Variants in ENKUR observed in about 807,000 individuals in gnomAD.
The protein encoded by ENKUR is enkurin.
ENKUR carries 19 observed loss-of-function variants against 27.6 expected under a neutral mutation model. That is an observed-to-expected ratio of 0.69 (90% CI 0.48 to 1.01). The LOEUF is 1.01. Among genes scored for constraint, ENKUR ranks in the 50% least tolerant of loss-of-function variants. The pLI is 0.00. For missense variants in ENKUR, 312 were observed against 310.5 expected (o/e 1.00, Z -0.04); for synonymous variants, 117 against 96.9 (o/e 1.21, Z -1.22).
chr10:25,048,860 A>ATT (rs34318277), intron 2 of ENKUR, among the ~76,000 whole-genome samples: 44 of 149,956 alleles, frequency 2.9e-4, no homozygotes, highest in Admixed American at 1.8e-3. Flanking sequence ...ATAAAACTTC[A>ATT]TTTTTTTTTT....
intron 1 of ENKUR, among the ~76,000 whole-genome samples, chr10:25,014,521 G>GA (rs376706730): frequency 0.018 from 2,665 of 146,236 alleles, 81 homozygotes; most frequent in African/African-American, 0.062. Context: ...AATTTTTTTT[G>GA]AAAAAAAAAA....
At chr10:25,023,579 TG>T (rs1169364211) in intron 2 of ENKUR, 2 of 1,614,132 alleles carry the variant, frequency 1.2e-6, no homozygotes, top group Non-Finnish European at 1.7e-6. Flanking sequence ...GGAAAAGCTG[TG>T]TTAAACTTCT....
intron 2 of ENKUR, among the ~76,000 whole-genome samples, chr10:25,043,535 T>A (rs1193845635): frequency 6.6e-6 from 1 of 152,166 alleles, no homozygotes; most frequent in Non-Finnish European, 1.5e-5. Context: ...TGTCTTTACT[T>A]TTTAGAAGTG....
chr10:25,051,721 A>T (rs1851188226), intron 2 of ENKUR, among the ~76,000 whole-genome samples: 2 of 152,320 alleles, frequency 1.3e-5, no homozygotes, highest in South Asian at 4.1e-4. Flanking sequence ...TCAAGAGGAG[A>T]TTTGGGCAGG....
At chr10:25,025,472 T>C in intron 2 of ENKUR, 1 of 1,576,132 alleles carries the variant, frequency 6.3e-7, no homozygotes, top group Non-Finnish European at 8.6e-7. Context: ...TCAGAGTAAA[T>C]TTTTTTTTCT....
intron 1 of ENKUR, among the ~76,000 whole-genome samples, chr10:25,010,482 T>C (rs1300426745): frequency 6.6e-6 from 1 of 151,948 alleles, no homozygotes; most frequent in Non-Finnish European, 1.5e-5. Context: ...TTAGGGTACA[T>C]GTGCACAATG....
chr10:25,033,829 A>G lies in ENKUR; in HGVS notation c.37+27283T>C, dbSNP rs955352596. On this transcript the variant is annotated intron_variant, in intron 2 of 5. Transcript: ENST00000615958. Reference sequence around the variant, plus strand: ...TGTATGTATGTGTGTGTGTGTGTCTATCTATCTATCTATCTATCTATCTAT... The same window carrying G: ...TGTATGTATGTGTGTGTGTGTGTCTGTCTATCTATCTATCTATCTATCTAT... 6.4e-4 allele frequency among the ~76,000 whole-genome samples: 38 copies of G among 59,788 alleles called. No homozygotes were observed. In the East Asian group the frequency reaches 0.016, roughly 26 times the overall value. The allele number at this position is 59,788 out of a possible 152,430, so 39.2% of individuals were successfully genotyped here. A position where few individuals can be genotyped will look rare whatever the true frequency, so the allele number is the denominator to read the frequency against.
At chr10:25,023,777 T>TA in intron 2 of ENKUR, 1 of 1,614,042 alleles carries the variant, frequency 6.2e-7, no homozygotes, top group Non-Finnish European at 8.5e-7. Flanking sequence ...ATGAAAGACT[T>TA]ACTTAAATTT....
chr10:24,998,807 G>C (rs1163054085), intron 2 of ENKUR, among the ~76,000 whole-genome samples: 2 of 152,070 alleles, frequency 1.3e-5, no homozygotes, highest in African/African-American at 4.8e-5. Context: ...AAGGCTACTT[G>C]ATCAAAAATT....
intron 1 of ENKUR, among the ~76,000 whole-genome samples, chr10:25,014,597 C>T (rs530973375): frequency 2.0e-5 from 3 of 152,058 alleles, no homozygotes; most frequent in Admixed American, 6.6e-5. Flanking sequence ...TAAAATAACT[C>T]TCAAATTCAA....
upstream of ENKUR, among the ~76,000 whole-genome samples, chr10:25,020,329 C>G (rs11014348): frequency 0.25 from 38,047 of 151,142 alleles, 5,675 homozygotes; most frequent in East Asian, 0.5. Flanking sequence ...AATTTAAAAA[C>G]AAGAGGGTAG....
At chr10:25,031,150 G>A (rs1850928961) in intron 2 of ENKUR, among the ~76,000 whole-genome samples, 1 of 152,096 alleles carries the variant, frequency 6.6e-6, no homozygotes, top group Non-Finnish European at 1.5e-5. Context: ...TAAAGACAAT[G>A]CTCAGTGATA....
chr10:25,007,394 C>T (rs1245749620), intron 1 of ENKUR, among the ~76,000 whole-genome samples: 2 of 152,036 alleles, frequency 1.3e-5, no homozygotes, highest in Non-Finnish European at 2.9e-5. Context: ...CCTTTTACCA[C>T]GTTATATTAT....
chr10:25,044,134 GT>G (rs1463540850), intron 2 of ENKUR, among the ~76,000 whole-genome samples: 1 of 152,060 alleles, frequency 6.6e-6, no homozygotes, highest in African/African-American at 2.4e-5. Context: ...GACCTACTAA[GT>G]TTTTATTGTA....
chr10:24,999,595 T>C, intron 1 of ENKUR, 49 bp from the exon 2 acceptor site: 3 of 1,456,914 alleles, frequency 2.1e-6, no homozygotes, highest in Non-Finnish European at 2.8e-6. Context: ...TAGTAAAAAT[T>C]ACCTAAAGTT....
chr10:24,994,399 C>A (rs1849996493), intron 3 of ENKUR, among the ~76,000 whole-genome samples: 5 of 150,580 alleles, frequency 3.3e-5, no homozygotes, highest in Admixed American at 3.3e-4. Flanking sequence ...AGTGACGCGA[C>A]CTTGGCTCAC....
At chr10:25,051,150 T>A (rs981230972) in intron 2 of ENKUR, among the ~76,000 whole-genome samples, 4 of 152,194 alleles carry the variant, frequency 2.6e-5, no homozygotes, top group Admixed American at 6.5e-5. Context: ...CAGTTGCAAG[T>A]CTTGTCCAAA....
At chr10:24,998,021 C>G (rs1850102725) in intron 2 of ENKUR, among the ~76,000 whole-genome samples, 1 of 152,102 alleles carries the variant, frequency 6.6e-6, no homozygotes, top group African/African-American at 2.4e-5. Flanking sequence ...CTTCTGAAGT[C>G]ACGAATTAAG....
At chr10:25,019,101 T>C (rs1850669007), upstream of ENKUR, among the ~76,000 whole-genome samples, 2 of 152,338 alleles carry the variant, frequency 1.3e-5, no homozygotes, top group African/African-American at 4.8e-5. Context: ...TTGGCTAGTT[T>C]GTGTCCTGAT....
Sources: allele counts gnomAD v4.1 joint callset (sites outside exome capture counted in the v4.1 genomes callset), GRCh38; gene constraint gnomAD v4.1.1; transcripts MANE v1.5; gene names NCBI Gene and HGNC (gene_info 2026-07-23, HGNC 2026-07-21).